The following RBM47 variants were observed in gnomAD, a reference collection of about 807,000 sequenced individuals.
RBM47 encodes the protein RNA binding motif protein 47, also known as RNA-binding protein 47.
A neutral mutation model predicts 47.1 loss-of-function variants in RBM47; 21 were observed. That is an observed-to-expected ratio of 0.45 (90% CI 0.32 to 0.64). The LOEUF (loss-of-function observed/expected upper bound fraction) is 0.64. RBM47 is among the 30% of genes least tolerant of loss of function. The probability of loss-of-function intolerance (pLI) is 0.05; values close to 1 mark genes in which losing one functional copy is unlikely to be tolerated. For missense variants in RBM47, 708 were observed against 870.9 expected, an observed-to-expected ratio of 0.81 and a Z score of 2.35; for synonymous variants, 375 against 361.7, an observed-to-expected ratio of 1.04 and a Z score of -0.42.
At chr4:40,528,856 T>C (rs1257736242) in intron 2 of RBM47, among the ~76,000 whole-genome samples, 5 of 151,840 alleles carry the variant, frequency 3.3e-5, no homozygotes, top group Non-Finnish European at 5.9e-5. Context: ...GGCAGGAGAA[T>C]GGCGTGAACC....
chr4:40,616,879 T>TC (rs1736792916), intron 1 of RBM47, among the ~76,000 whole-genome samples: 1 of 144,134 alleles, frequency 6.9e-6, no homozygotes, highest in Non-Finnish European at 1.5e-5. Context: ...CTTTTCTTTT[T>TC]TTTTTTTTTT....
chr4:40,517,111 ACCTT>A (rs1725671954), intron 2 of RBM47, among the ~76,000 whole-genome samples: 3 of 69,512 alleles, frequency 4.3e-5, no homozygotes, highest in South Asian at 1.1e-3. Flanking sequence ...CTCCCTCCCC[ACCTT>A]CCTTCCTTCC....
At chr4:40,465,928 A>C (rs1214127071) in intron 3 of RBM47, among the ~76,000 whole-genome samples, 1 of 152,194 alleles carries the variant, frequency 6.6e-6, no homozygotes, top group Non-Finnish European at 1.5e-5. Flanking sequence ...GTTTGTACCA[A>C]GAACCCAGCC....
intron 1 of RBM47, among the ~76,000 whole-genome samples, chr4:40,616,396 T>C (rs1221375191): frequency 6.6e-6 from 1 of 151,776 alleles, no homozygotes. Context: ...TCTTTGGTCA[T>C]TGCTTGAGAC....
At position 40,438,888 on chromosome 4, in the gene RBM47, G is replaced by C. The variant is rs776769522; in HGVS notation, c.6C>G (p.Thr2=). 1.3e-6 allele frequency: 2 copies of C among 1,546,542 alleles called. No individual in the cohort carries two copies. Among genetic ancestry groups the C allele is most frequent in the Admixed American group, 1.9e-5 (1 of 51,708 alleles). The stretch of plus-strand genomic sequence containing the variant: ...TCATGGCTGCGGTGGAATCCTCTGC[G>C]GTCATAATGTCAAAGGCATCCACAG... M[T]AEDSTAAMSS... Residue 2 remains threonine (T), a synonymous_variant, in exon 4 of 7, where the codon ACC becomes ACG. Transcript: ENST00000295971.
Position 40,593,883 on chromosome 4 carries a change from C to CAAA in RBM47, c.-240+35510_-240+35512dup, listed in dbSNP as rs34280289. Among the ~76,000 whole-genome samples, 386 of 116,188 alleles carry CAAA rather than the reference C, an allele frequency of 3.3e-3. 5 individuals are homozygous for CAAA. Among genetic ancestry groups the CAAA allele is most frequent in the Middle Eastern group, 8.5e-3 (2 of 236 alleles). The allele number at this position is 116,188 out of a possible 152,430, so 76.2% of individuals were successfully genotyped here. On this transcript the variant is annotated intron_variant, in intron 1 of 6. Transcript: ENST00000295971. ...TGGGTGACCAAGCGAGACTCTGTCT[C>CAAA]AAAAAAAAAAAAAAAAATTAGCCGG...
intron 1 of RBM47, among the ~76,000 whole-genome samples, chr4:40,598,201 G>A (rs1049933081): frequency 2.6e-5 from 4 of 152,154 alleles, no homozygotes; most frequent in African/African-American, 9.7e-5. Flanking sequence ...GAAATAAAGT[G>A]CGCACACAGG....
In RBM47 at chr4:40,436,589, C is replaced by T. The variant is rs746583672; in HGVS notation, c.1182G>A (p.Arg394=). 9.9e-6 allele frequency: 16 copies of T among 1,614,184 alleles called. No homozygotes were observed. In the South Asian group the frequency reaches 1.6e-4, roughly 17 times the overall value. Residue 394 remains arginine, a synonymous_variant, in exon 5 of 7, where the codon AGG becomes AGA. Transcript: ENST00000295971. Reference sequence around the variant, plus strand: ...CAGAATATCCCCCGAGGTAGGAACCCCTAGGCCCTGGGGCTCTGTTGCCAG... The same window carrying T: ...CAGAATATCCCCCGAGGTAGGAACCTCTAGGCCCTGGGGCTCTGTTGCCAG... ...GAAGNRAPGP[R]GSYLGGYSAG...
chr4:40,623,476 C>G (rs1737451330), intron 1 of RBM47, among the ~76,000 whole-genome samples: 1 of 152,180 alleles, frequency 6.6e-6, no homozygotes, highest in South Asian at 2.1e-4. Flanking sequence ...TGATACTGCC[C>G]TTTCACTCTT....
chr4:40,551,632 T>A (rs1054003464), intron 1 of RBM47, among the ~76,000 whole-genome samples: 1 of 148,842 alleles, frequency 6.7e-6, no homozygotes, highest in Admixed American at 6.7e-5. Context: ...GGAGGGAGAA[T>A]CAAATAGCGT....
At chr4:40,582,377 T>C (rs1578008730) in intron 1 of RBM47, among the ~76,000 whole-genome samples, 1 of 151,894 alleles carries the variant, frequency 6.6e-6, no homozygotes, top group African/African-American at 2.4e-5. Flanking sequence ...CTACCAAAAA[T>C]ACAAAAATTA....
intron 6 of RBM47, among the ~76,000 whole-genome samples, chr4:40,430,933 A>T (rs912090159): frequency 6.6e-6 from 1 of 152,124 alleles, no homozygotes; most frequent in African/African-American, 2.4e-5. Context: ...CAAATAAAAA[A>T]GTTAGCCGGG....
rs1164188103 is a variant in RBM47, at chr4:40,592,426, C to T, written c.-240+36970G>A. On this transcript the variant is annotated intron_variant, in intron 1 of 6. Coordinates refer to ENST00000295971, the MANE Select transcript of RBM47 (RefSeq NM_001098634.2). Reference sequence around the variant, plus strand: ...CCACCTGGCTTAATCTTTTTTTTTTCTTTTTTTTTTTTTTTAAGACAGAGT... The same window carrying T: ...CCACCTGGCTTAATCTTTTTTTTTTTTTTTTTTTTTTTTTTAAGACAGAGT... Among the ~76,000 whole-genome samples, 165 of 137,518 alleles carry T rather than the reference C, an allele frequency of 1.2e-3. 1 individual carries two copies. The highest frequency in any genetic ancestry group is 3.3e-3 in the African/African-American group (122 of 36,934). 90.2% of individuals were successfully genotyped at this position (137,518 alleles called of 152,430 possible). A position where few individuals can be genotyped will look rare whatever the true frequency, so the allele number is the denominator to read the frequency against.
rs200872426 is a variant in RBM47 at position 40,436,471 on chromosome 4, C to T, written c.1300G>A (p.Val434Ile). Residue 434 changes from valine (V) to isoleucine (I), a missense_variant, in exon 5 of 7, where the codon GTC (valine) becomes ATC (isoleucine). Transcript: ENST00000295971. ...CCAGGTTTAATGGCAACTGGGTTGA[C>T]GGTAGGGATTTCCAAATTCGGCACC... ...ELVPNLEIPT[V>I]NPVAIKPGTV... 62 of 1,614,004 alleles carry T rather than the reference C, an allele frequency of 3.8e-5. No individual in the cohort carries two copies. In the African/African-American group the frequency reaches 6.4e-4, roughly 17 times the overall value.
At chr4:40,616,874 C>CTTTTTTTTTTTTTTT (rs1300005872) in intron 1 of RBM47, among the ~76,000 whole-genome samples, 4 of 111,666 alleles carry the variant, frequency 3.6e-5, no homozygotes, top group Non-Finnish European at 5.2e-5. Context: ...ATTTTCTTTT[C>CTTTTTTTTTTTTTTT]TTTTTTTTTT....
At chr4:40,551,711 G>C (rs1019459281) in intron 1 of RBM47, among the ~76,000 whole-genome samples, 1 of 150,068 alleles carries the variant, frequency 6.7e-6, no homozygotes, top group Non-Finnish European at 1.5e-5. Context: ...TGCAGTGGTG[G>C]GATCTCGGCT....
intron 1 of RBM47, among the ~76,000 whole-genome samples, chr4:40,595,282 G>GTCAT (rs1398637676): frequency 6.6e-6 from 1 of 151,968 alleles, no homozygotes; most frequent in Admixed American, 6.6e-5. Flanking sequence ...ATCACTTGAG[G>GTCAT]TCATGAGTTC....
intron 1 of RBM47, among the ~76,000 whole-genome samples, chr4:40,573,819 G>GA (rs1438240183): frequency 4.0e-5 from 6 of 149,098 alleles, no homozygotes; most frequent in African/African-American, 1.5e-4. Context: ...AAGAAAGAAA[G>GA]AAAGAAAGAA....
rs192694794 is a variant in RBM47 at position 40,580,413 on chromosome 4, G to A, written c.-239-35907C>T. 1.8e-3 allele frequency among the ~76,000 whole-genome samples: 272 copies of A among 152,140 alleles called. 1 individual carries two copies. The highest frequency in any genetic ancestry group is 0.014 in the Middle Eastern group (4 of 294). On this transcript the variant is annotated intron_variant, in intron 1 of 6. Coordinates refer to ENST00000295971, the MANE Select transcript of RBM47 (RefSeq NM_001098634.2). ...TTCTTCCTGGGTCTGAGGGCTCCAA[G>A]AATCCTTGAATCAGTTCTCAGATCA... is the stretch of plus-strand genomic sequence containing the variant.
Sources: gnomAD v4.1 joint callset for allele counts (sites outside exome capture counted in the v4.1 genomes callset) on GRCh38, gnomAD v4.1.1 for gene constraint, MANE v1.5 for transcripts, NCBI Gene and HGNC (gene_info 2026-07-23, HGNC 2026-07-21) for gene names.